ZNF407: variants seen among roughly 807,000 people sequenced by gnomAD.
ZNF407 encodes the protein zinc finger protein 407.
ZNF407 carries 17 observed loss-of-function variants against 131.2 expected under a neutral mutation model. The ratio of observed to expected loss-of-function variants is 0.13; its 90% confidence interval spans 0.09 to 0.19. ZNF407 has a LOEUF of 0.19. ZNF407 is among the 10% of genes least tolerant of loss of function. ZNF407 has a pLI of 1.00. For synonymous variants in ZNF407, 1,156 were observed against 1,062.0 expected (o/e 1.09, Z -1.72); for missense variants, 2,681 against 2,830.6 (o/e 0.95, Z 1.20).
Position 74,632,124 on chromosome 18 carries a change from C to T in ZNF407, c.1105C>T (p.Leu369Phe), listed in dbSNP as rs141778977. 4 of 1,613,972 alleles carry T rather than the reference C, an allele frequency of 2.5e-6. No homozygotes were observed. The highest frequency in any genetic ancestry group is 2.7e-5 in the African/African-American group (2 of 75,038). ...VEIVEEHVTS[L>F]GLAQNPENQS... ...GATTGTTGAAGAACATGTTACTTCCCTTGGTCTAGCTCAGAATCCTGAAAA... is the reference window on the plus strand; with the variant it reads ...GATTGTTGAAGAACATGTTACTTCCTTTGGTCTAGCTCAGAATCCTGAAAA... Residue 369 changes from leucine (L) to phenylalanine (F), a missense_variant, in exon 2 of 9, where the codon CTT (leucine) becomes TTT (phenylalanine). This residue lies in a region of ZNF407 where 1,789 missense variants were observed against 1,748.7 expected (regional missense o/e 1.02). Transcript: ENST00000299687.
chr18:74,670,662 A>G (rs773912974), intron 3 of ZNF407, among the ~76,000 whole-genome samples: 3 of 152,226 alleles, frequency 2.0e-5, no homozygotes, highest in Non-Finnish European at 4.4e-5. Context: ...GATGCATAAC[A>G]TAAAATTTAT....
chr18:74,701,844 T>A (rs952097093), intron 3 of ZNF407, among the ~76,000 whole-genome samples: 4 of 152,228 alleles, frequency 2.6e-5, no homozygotes, highest in Non-Finnish European at 5.9e-5. Context: ...AAAGAGAGAC[T>A]ATTTTACAGA....
chr18:74,903,000 T>A (rs1481175434), intron 7 of ZNF407, among the ~76,000 whole-genome samples: 1 of 152,170 alleles, frequency 6.6e-6, no homozygotes, highest in Non-Finnish European at 1.5e-5. Context: ...ACTTACATAG[T>A]GTTTAAATTT....
intron 3 of ZNF407, 29 bp downstream of exon 3, chr18:74,641,151 G>A (rs779631683): frequency 1.2e-5 from 19 of 1,543,548 alleles, no homozygotes; most frequent in Middle Eastern, 1.7e-4. Flanking sequence ...TCTCTGCTGC[G>A]TGAACCAGGA....
In ZNF407 at chr18:74,634,184, G is replaced by A. The variant is rs763527840; in HGVS notation, c.3165G>A (p.Ala1055=). 8.1e-6 allele frequency: 13 copies of A among 1,613,890 alleles called. No homozygotes were observed. Among genetic ancestry groups the A allele is most frequent in the East Asian group, 2.2e-5 (1 of 44,892 alleles). The change falls in exon 2 of 9, where the codon GCG becomes GCA. Residue 1055 remains alanine, a synonymous_variant. Coordinates refer to ENST00000299687, the MANE Select transcript of ZNF407 (RefSeq NM_017757.3). ...ATTGCATGGCATGCGATTACTACGC[G>A]GTGACTCGTCGCGAGATGACCAGGC... ...EFYCMACDYY[A]VTRREMTRHA...
intron 8 of ZNF407, among the ~76,000 whole-genome samples, chr18:75,023,572 C>G (rs1394076063): frequency 6.6e-6 from 1 of 152,146 alleles, no homozygotes; most frequent in Non-Finnish European, 1.5e-5. Flanking sequence ...CTAATCAAAG[C>G]TACCCTCTGA....
intron 3 of ZNF407, among the ~76,000 whole-genome samples, chr18:74,754,694 T>C (rs1475508853): frequency 1.3e-5 from 2 of 152,342 alleles, no homozygotes; most frequent in Non-Finnish European, 2.9e-5. Context: ...TTGAGTTTGA[T>C]TGCACTGTGG....
At chr18:74,778,170 C>A (rs1969513908) in intron 3 of ZNF407, among the ~76,000 whole-genome samples, 2 of 152,206 alleles carry the variant, frequency 1.3e-5, no homozygotes. Context: ...CTCACCCGCC[C>A]TCTTTTTTCT....
intron 3 of ZNF407, among the ~76,000 whole-genome samples, chr18:74,657,264 ATAG>A (rs1354417762): frequency 8.5e-5 from 13 of 152,292 alleles, no homozygotes; most frequent in East Asian, 3.9e-4. Flanking sequence ...TGAAAAAATG[ATAG>A]TAGAAGGAAA....
intron 5 of ZNF407, among the ~76,000 whole-genome samples, chr18:74,878,479 T>C (rs929512040): frequency 2.0e-5 from 3 of 152,172 alleles, no homozygotes; most frequent in Admixed American, 1.3e-4. Flanking sequence ...AGATCACTTA[T>C]ATCGAACAGC....
chr18:74,860,416 T>C (rs1048057606), intron 4 of ZNF407, among the ~76,000 whole-genome samples: 2 of 151,974 alleles, frequency 1.3e-5, no homozygotes, highest in African/African-American at 4.8e-5. Flanking sequence ...GAGAAGTATG[T>C]AATTGTTAAA....
chr18:74,788,261 A>G (rs1462948544), intron 4 of ZNF407, among the ~76,000 whole-genome samples: 2 of 152,188 alleles, frequency 1.3e-5, no homozygotes, highest in Non-Finnish European at 2.9e-5. Flanking sequence ...TGCAATAGAA[A>G]TTGTTTTTGA....
At position 75,064,572 on chromosome 18, in the gene ZNF407, G is replaced by A; in HGVS notation, c.*104G>A. 1 of 1,113,284 alleles carries A rather than the reference G, an allele frequency of 9.0e-7. No homozygotes were observed. Among genetic ancestry groups the A allele is most frequent in the Non-Finnish European group, 1.2e-6 (1 of 805,236 alleles). The allele number at this position is 1,113,284 out of a possible 1,614,324, so 69.0% of individuals were successfully genotyped here. A position where few individuals can be genotyped will look rare whatever the true frequency, so the allele number is the denominator to read the frequency against. ...CATCTGAAACCTTCAAAACCATGAG[G>A]ACAAGGCTCCCGTGAGCTCTGAGCA... On this transcript the variant is annotated 3_prime_UTR_variant, in exon 9 of 9. Coordinates refer to ENST00000299687, the MANE Select transcript of ZNF407 (RefSeq NM_017757.3).
intron 4 of ZNF407, among the ~76,000 whole-genome samples, chr18:74,838,782 G>A (rs1012792061): frequency 5.9e-5 from 9 of 152,136 alleles, no homozygotes; most frequent in Non-Finnish European, 1.3e-4. Flanking sequence ...GGCTATTTGA[G>A]TTAAACCAGA....
intron 3 of ZNF407, among the ~76,000 whole-genome samples, chr18:74,752,674 C>A (rs560007021): frequency 1.3e-5 from 2 of 152,166 alleles, no homozygotes; most frequent in Admixed American, 6.5e-5. Context: ...TGTCAAAGAT[C>A]AGATGGTTGT....
At chr18:74,711,849 T>C (rs905751909) in intron 3 of ZNF407, among the ~76,000 whole-genome samples, 1 of 152,124 alleles carries the variant, frequency 6.6e-6, no homozygotes, top group Non-Finnish European at 1.5e-5. Flanking sequence ...TAGCTGGGAT[T>C]ACAGGCACGT....
intron 3 of ZNF407, among the ~76,000 whole-genome samples, chr18:74,775,392 C>G (rs2145010835): frequency 6.6e-6 from 1 of 152,276 alleles, no homozygotes; most frequent in African/African-American, 2.4e-5. Context: ...GCTAGCCATA[C>G]AATGTTTATT....
At chr18:75,036,841 T>C (rs1006458362) in intron 8 of ZNF407, among the ~76,000 whole-genome samples, 7 of 152,266 alleles carry the variant, frequency 4.6e-5, no homozygotes, top group Non-Finnish European at 8.8e-5. Flanking sequence ...AAGTACCATA[T>C]TTTATTTATC....
At chr18:74,803,869 A>G (rs1366282138) in intron 4 of ZNF407, 7 of 1,328,952 alleles carry the variant, frequency 5.3e-6, no homozygotes, top group Admixed American at 2.2e-5. Context: ...CAAAAAGGTC[A>G]GGAATGACGG....
Sources: gnomAD v4.1 joint callset for allele counts (sites outside exome capture counted in the v4.1 genomes callset) on GRCh38, gnomAD v4.1.1 for gene constraint, gnomAD v4.1.1 regional missense constraint, MANE v1.5 for transcripts, NCBI Gene and HGNC (gene_info 2026-07-23, HGNC 2026-07-21) for gene names.